NRG2: variants seen among roughly 807,000 people sequenced by gnomAD.
NRG2 encodes pro-neuregulin-2, membrane-bound isoform.
Under a neutral mutation model 73.9 loss-of-function variants are expected in NRG2, and 27 were observed. The ratio of observed to expected loss-of-function variants is 0.37; its 90% CI spans 0.27 to 0.50. The LOEUF is 0.50. Ranked by LOEUF, NRG2 falls within the 20% of genes least tolerant of loss-of-function variation. NRG2 has a pLI of 0.96. For missense variants in NRG2, 1,126 were observed against 1,210.1 expected (o/e 0.93, Z 1.03); for synonymous variants, 532 against 541.0 (o/e 0.98, Z 0.23).
chr5:139,916,821 T>G (rs1751293011), intron 1 of NRG2, among the ~76,000 whole-genome samples: 1 of 152,228 alleles, frequency 6.6e-6, no homozygotes, highest in Non-Finnish European at 1.5e-5. Context: ...TTGGATTGTT[T>G]CTACTTTTCG....
chr5:139,935,109 A>G (rs1323116362), intron 1 of NRG2, among the ~76,000 whole-genome samples: 2 of 152,332 alleles, frequency 1.3e-5, no homozygotes, highest in African/African-American at 4.8e-5. Flanking sequence ...AGAAGTTGGC[A>G]GTGAGCCGAG....
At chr5:139,981,601 G>A (rs923114833) in intron 1 of NRG2, among the ~76,000 whole-genome samples, 3 of 152,240 alleles carry the variant, frequency 2.0e-5, no homozygotes, top group African/African-American at 7.2e-5. Context: ...AAAGCCCAGG[G>A]ATTCCCTCAG....
At chr5:139,973,571 A>C (rs913756840) in intron 1 of NRG2, among the ~76,000 whole-genome samples, 6 of 152,198 alleles carry the variant, frequency 3.9e-5, no homozygotes, top group African/African-American at 1.4e-4. Context: ...CATGTTGCCC[A>C]CACTGGTCTC....
rs774441167 is a variant in NRG2 at position 139,852,253 on chromosome 5, C to A, written c.1544+179G>T. Among the ~76,000 whole-genome samples, 1 of 152,178 alleles carries A rather than the reference C, an allele frequency of 6.6e-6. No homozygotes were observed. The highest frequency in any genetic ancestry group is 6.5e-5 in the Admixed American group (1 of 15,282). ...CCATGTTATTTTTGAGTTGTCTGAG[C>A]CTTTGTGCTGTGTGGACTGGCCTCT... On this transcript the variant is annotated intron_variant, in intron 8 of 9. Coordinates refer to ENST00000361474, the MANE Select transcript of NRG2 (RefSeq NM_004883.3). The surrounding 1 kb of genome is among the most constrained non-coding windows in gnomAD (Gnocchi z 4.4).
At position 139,904,788 on chromosome 5, in the gene NRG2, T is replaced by TG. The variant is rs1485757958; in HGVS notation, c.701-17278dup. Among the ~76,000 whole-genome samples, 4 of 152,012 alleles carry TG rather than the reference T, an allele frequency of 2.6e-5. No homozygotes were observed. The highest frequency in any genetic ancestry group is 4.4e-5 in the Non-Finnish European group (3 of 67,966). On this transcript the variant is annotated intron_variant, in intron 1 of 9. Transcript: ENST00000361474. This position sits in a 1 kb window ranked among gnomAD's most constrained non-coding sequence, Gnocchi z 6.0. ...AGCGAGGGCCAGGCTAAGGACAGCA[T>TG]GGGGGTGGGGAGACAGCGAGGAAAG...
At chr5:139,862,029 G>T (rs1284206288) in intron 5 of NRG2, among the ~76,000 whole-genome samples, 1 of 152,212 alleles carries the variant, frequency 6.6e-6, no homozygotes, top group Non-Finnish European at 1.5e-5. Context: ...AAATTAGGAG[G>T]CAGAAGGGAG....
Position 139,847,242 on chromosome 5 carries a change from C to T in NRG2, c.*675G>A, listed in dbSNP as rs936697546. 1 of 152,200 alleles carries T rather than the reference C, an allele frequency of 6.6e-6. No individual in the cohort carries two copies. The highest frequency in any genetic ancestry group is 1.5e-5 in the Non-Finnish European group (1 of 68,076). 9.4% of individuals were successfully genotyped at this position (152,200 alleles called of 1,614,324 possible). ...CATTGGGCCCCTGGCAGAGCTGCCA[C>T]CTCCCTGGGCTCAGGCTCTTGGGGA... On this transcript the variant is annotated 3_prime_UTR_variant, in exon 10 of 10. Coordinates refer to ENST00000361474, the MANE Select transcript of NRG2 (RefSeq NM_004883.3).
chr5:140,042,872 C>T lies in NRG2; in HGVS notation c.198G>A (p.Arg66=). Residue 66 remains arginine (R), a synonymous_variant, in exon 1 of 10, where the codon CGG becomes CGA. Transcript: ENST00000361474. ...ISRPAAPPEP[R]PQQQPQPRSP... ...TGCGGGGCTGCGGCTGTTGCTGCGG[C>T]CGCGGCTCTGGGGGCGCAGCGGGAC... 6.6e-7 allele frequency: 1 copy of T among 1,511,778 alleles called. No homozygotes were observed. The allele number at this position is 1,511,778 out of a possible 1,614,324, so 93.6% of individuals were successfully genotyped here. A position where few individuals can be genotyped will look rare whatever the true frequency, so the allele number is the denominator to read the frequency against.
intron 1 of NRG2, among the ~76,000 whole-genome samples, chr5:139,890,073 G>T (rs1561658687): frequency 6.6e-6 from 1 of 152,070 alleles, no homozygotes; most frequent in South Asian, 2.1e-4. Context: ...CTTTGGAAAG[G>T]TTGCACCAAT....
intron 1 of NRG2, among the ~76,000 whole-genome samples, chr5:139,902,325 T>C (rs934921481): frequency 6.6e-6 from 1 of 152,198 alleles, no homozygotes; most frequent in African/African-American, 2.4e-5. Flanking sequence ...ACTCCTGCAC[T>C]GAGGCAGAGG....
chr5:139,916,716 T>G (rs1483789648), intron 1 of NRG2, among the ~76,000 whole-genome samples: 1 of 152,258 alleles, frequency 6.6e-6, no homozygotes, highest in Non-Finnish European at 1.5e-5. Flanking sequence ...TGTTGTAGCA[T>G]GGATCAGTAT....
chr5:139,973,639 G>A (rs925999256), intron 1 of NRG2, among the ~76,000 whole-genome samples: 43 of 152,316 alleles, frequency 2.8e-4, no homozygotes, highest in African/African-American at 9.1e-4. Context: ...TAGGATTACA[G>A]GTGTGAGCCA....
chr5:139,905,387 C>G (rs936457487), intron 1 of NRG2, among the ~76,000 whole-genome samples: 13 of 152,238 alleles, frequency 8.5e-5, no homozygotes, highest in African/African-American at 2.9e-4. Flanking sequence ...CTGAGGTGTC[C>G]CCTTACAGCC....
chr5:140,007,369 T>C (rs1025337070), intron 1 of NRG2, among the ~76,000 whole-genome samples: 1 of 152,064 alleles, frequency 6.6e-6, no homozygotes, highest in African/African-American at 2.4e-5. Context: ...ACTTTATTAC[T>C]TATATTAAGC....
chr5:139,992,665 C>T (rs918430279), intron 1 of NRG2, among the ~76,000 whole-genome samples: 1 of 152,200 alleles, frequency 6.6e-6, no homozygotes, highest in East Asian at 1.9e-4. Flanking sequence ...TTTTTCATAG[C>T]TAAAATAACA....
In NRG2 at chr5:139,848,405, C is replaced by T; in HGVS notation, c.2065G>A (p.Gly689Arg). The change falls in exon 10 of 10, where the codon GGG becomes AGG. Residue 689 changes from glycine to arginine, a missense_variant. Gly to Arg is a moderately radical substitution (Grantham distance 125, BLOSUM62 -2). This residue lies in a region of NRG2 where 402 missense variants were observed against 357.8 expected (regional missense o/e 1.12). Coordinates refer to ENST00000361474, the MANE Select transcript of NRG2 (RefSeq NM_004883.3). Reference protein sequence around the residue: ...YPAAGPGPRRGTCALGGSLGS... With the variant: ...YPAAGPGPRRRTCALGGSLGS... ...AGGCTGCCGCCGAGCGCGCAGGTCC[C>T]GCGCCGCGGTCCGGGCCCCGCCGCG... 1 of 1,267,668 alleles carries T rather than the reference C, an allele frequency of 7.9e-7. No individual in the cohort carries two copies. The highest frequency in any genetic ancestry group is 9.9e-7 in the Non-Finnish European group (1 of 1,014,538). The allele number at this position is 1,267,668 out of a possible 1,614,324, so 78.5% of individuals were successfully genotyped here.
intron 1 of NRG2, among the ~76,000 whole-genome samples, chr5:139,985,974 C>T (rs567731334): frequency 7.6e-4 from 116 of 152,216 alleles, no homozygotes; most frequent in Non-Finnish European, 1.2e-3. Flanking sequence ...TGTGGGGCTC[C>T]CAGGGCTATA....
intron 1 of NRG2, among the ~76,000 whole-genome samples, chr5:139,912,167 T>A (rs1462251794): frequency 2.0e-5 from 3 of 152,200 alleles, no homozygotes; most frequent in African/African-American, 7.2e-5. Context: ...CCTTGAGGAC[T>A]GAGGGGGATC....
chr5:139,867,807 T>TATGA (rs1360176134), intron 4 of NRG2, among the ~76,000 whole-genome samples: 32 of 134,370 alleles, frequency 2.4e-4, no homozygotes, highest in African/African-American at 4.1e-4. Context: ...TATGAGTGTG[T>TATGA]GTGTGTGTGT....
Sources: gnomAD v4.1 joint callset for allele counts (sites outside exome capture counted in the v4.1 genomes callset) on GRCh38, gnomAD v4.1.1 for gene constraint, gnomAD v4.1.1 regional missense constraint, Gnocchi (gnomAD v3.1) non-coding constraint, MANE v1.5 for transcripts, NCBI Gene and HGNC (gene_info 2026-07-23, HGNC 2026-07-21) for gene names.